Variants in GALNT8 observed in about 807,000 individuals in gnomAD.
GALNT8 encodes the protein probable polypeptide N-acetylgalactosaminyltransferase 8.
GALNT8 carries 66 observed loss-of-function variants against 62.7 expected under a neutral mutation model. The observed-to-expected ratio is 1.05, with a 90% CI of 0.86 to 1.29. GALNT8 has a LOEUF of 1.29. Among genes scored for constraint, GALNT8 ranks in the 50% most tolerant of loss-of-function variants. The pLI is 0.00. For missense variants in GALNT8, 771 were observed against 791.8 expected, an observed-to-expected ratio of 0.97 and a Z score of 0.32; for synonymous variants, 288 against 294.3, an observed-to-expected ratio of 0.98 and a Z score of 0.22.
In GALNT8 at chr12:4,744,645, G is replaced by A; in HGVS notation, c.805G>A (p.Ala269Thr). 1 of 1,613,868 alleles carries A rather than the reference G, an allele frequency of 6.2e-7. No individual in the cohort carries two copies. The highest frequency in any genetic ancestry group is 8.5e-7 in the Non-Finnish European group (1 of 1,179,868). The change falls in exon 4 of 11, where the codon GCC (alanine) becomes ACC (threonine). Residue 269 changes from alanine to threonine, a missense_variant. Coordinates refer to ENST00000252318, the MANE Select transcript of GALNT8 (RefSeq NM_017417.2). ...AGCCCGCAACACTGGCTGGGAAGCTGCCACAGCAGACGTGGTCGCCATCTT... is the reference window on the plus strand; with the variant it reads ...AGCCCGCAACACTGGCTGGGAAGCTACCACAGCAGACGTGGTCGCCATCTT... The part of the protein sequence containing the change: ...AQARNTGWEA[A>T]TADVVAILDA...
intron 10 of GALNT8, among the ~76,000 whole-genome samples, chr12:4,766,058 A>G (rs1046224065): frequency 2.0e-5 from 3 of 152,226 alleles, no homozygotes; most frequent in African/African-American, 7.2e-5. Context: ...GGTGTGAGCC[A>G]CTGTGCCTGG....
intron 2 of GALNT8, among the ~76,000 whole-genome samples, chr12:4,735,095 T>A (rs1480100267): frequency 6.6e-6 from 1 of 152,174 alleles, no homozygotes; most frequent in Non-Finnish European, 1.5e-5. Flanking sequence ...GAAATCTGGA[T>A]TTGTATGTTG....
At chr12:4,768,350 C>T (rs1946408790) in intron 10 of GALNT8, 3 of 322,280 alleles carry the variant, frequency 9.3e-6, no homozygotes, top group Non-Finnish European at 1.8e-5. Flanking sequence ...ATTAAAGATA[C>T]AATGTATTCT....
intron 3 of GALNT8, among the ~76,000 whole-genome samples, chr12:4,740,212 A>C (rs910107068): frequency 6.6e-6 from 1 of 152,202 alleles, no homozygotes; most frequent in African/African-American, 2.4e-5. Context: ...GGAAGATAAC[A>C]GACCTGAGTC....
intron 5 of GALNT8, 141 bp downstream of exon 5, chr12:4,745,767 AGGG>A: frequency 1.5e-6 from 1 of 670,806 alleles, no homozygotes; most frequent in African/African-American, 1.8e-5. Context: ...CAAGGGATAG[AGGG>A]AAAAAACCCC....
chr12:4,772,706 G>A lies in GALNT8; in HGVS notation c.*109G>A. The A allele has an allele frequency of 1.2e-6, 1 of 862,370 alleles. No individual in the cohort carries two copies. Among genetic ancestry groups the A allele is most frequent in the Non-Finnish European group, 1.8e-6 (1 of 553,558 alleles). The allele number at this position is 862,370 out of a possible 1,614,324, so 53.4% of individuals were successfully genotyped here. On this transcript the variant is annotated 3_prime_UTR_variant, in exon 11 of 11. Coordinates refer to ENST00000252318, the MANE Select transcript of GALNT8 (RefSeq NM_017417.2). The stretch of plus-strand genomic sequence containing the variant: ...TGAGAAAGAAAGCATGTGTATGTCT[G>A]TTTATGGCGACTTCAGGTGGGGCCT...
intron 2 of GALNT8, among the ~76,000 whole-genome samples, chr12:4,729,662 C>T (rs144244518): frequency 6.6e-6 from 1 of 151,984 alleles, no homozygotes; most frequent in Admixed American, 6.6e-5. Context: ...GAATAGTATT[C>T]CACTATTATG....
chr12:4,746,325 C>G (rs1308607520), intron 6 of GALNT8, 67 bp downstream of exon 6: 13 of 887,076 alleles, frequency 1.5e-5, no homozygotes, highest in Non-Finnish European at 2.5e-5. Context: ...GTAGTAGGAC[C>G]CCTGGAATCC....
Position 4,745,522 on chromosome 12 carries a change from T to A in GALNT8, c.954T>A (p.Asp318Glu). 1 of 1,610,882 alleles carries A rather than the reference T, an allele frequency of 6.2e-7. No homozygotes were observed. Among genetic ancestry groups the A allele is most frequent in the East Asian group, 2.2e-5 (1 of 44,864 alleles). Residue 318 changes from aspartate (D) to glutamate (E), a missense_variant, in exon 5 of 11, where the codon GAT becomes GAA. Asp to Glu is a conservative substitution (Grantham distance 45). Coordinates refer to ENST00000252318, the MANE Select transcript of GALNT8 (RefSeq NM_017417.2). ...TTCGTTTTGACACCTTCAAACTGGA[T>A]AAGTATGAACTGGCAGTTGATGGGT... ...DNIRFDTFKLDKYELAVDGFN... is the reference protein window; with the variant it reads ...DNIRFDTFKLEKYELAVDGFN...
chr12:4,741,196 CCTT>C (rs1164612096), intron 3 of GALNT8, among the ~76,000 whole-genome samples: 2 of 152,126 alleles, frequency 1.3e-5, no homozygotes, highest in Non-Finnish European at 2.9e-5. Flanking sequence ...ACTGCTTAAA[CCTT>C]CTTTTTTAGA....
At chr12:4,748,863 C>T (rs1946311488) in intron 6 of GALNT8, among the ~76,000 whole-genome samples, 1 of 151,972 alleles carries the variant, frequency 6.6e-6, no homozygotes, top group South Asian at 2.1e-4. Flanking sequence ...AATATCTTTC[C>T]ATTTTTTGGT....
chr12:4,768,455 A>G, intron 10 of GALNT8: 1 of 373,460 alleles, frequency 2.7e-6, no homozygotes, highest in Non-Finnish European at 5.4e-6. Flanking sequence ...ACCATTACTA[A>G]ATAAATAATT....
chr12:4,726,854 C>T lies in GALNT8; in HGVS notation c.509+25C>T. The T allele has an allele frequency of 6.3e-7, 1 of 1,576,340 alleles. No individual in the cohort carries two copies. Among genetic ancestry groups the T allele is most frequent in the Non-Finnish European group, 8.6e-7 (1 of 1,158,850 alleles). On this transcript the variant is annotated intron_variant, in intron 2 of 10. Transcript: ENST00000252318. This position sits in a 1 kb window ranked among gnomAD's most constrained non-coding sequence, Gnocchi z 4.1. ...GGTGGGATGAACCAGGCTTGGGCTT[C>T]TAGGGTCCTCAGTTTGATTTGAGGA...
intron 2 of GALNT8, among the ~76,000 whole-genome samples, chr12:4,734,343 C>T (rs933614073): frequency 2.0e-5 from 3 of 152,152 alleles, no homozygotes; most frequent in African/African-American, 4.8e-5. Flanking sequence ...CACTTGGGAG[C>T]CTGGAAGAAA....
rs191560137 is a variant in GALNT8 at position 4,764,608 on chromosome 12, G to C, written c.1593+561G>C. Among the ~76,000 whole-genome samples, 899 of 146,886 alleles carry C rather than the reference G, an allele frequency of 6.1e-3. 2 individuals carry two copies. Among genetic ancestry groups the C allele is most frequent in the Middle Eastern group, 0.018 (5 of 280 alleles). ...GCCCAGGCTGGAGTGCAGTGGCGCGGTCTCAGCTCACTGCAAGCTCTGCCT... is the reference window on the plus strand; with the variant it reads ...GCCCAGGCTGGAGTGCAGTGGCGCGCTCTCAGCTCACTGCAAGCTCTGCCT... On this transcript the variant is annotated intron_variant, in intron 9 of 10. Coordinates refer to ENST00000252318, the MANE Select transcript of GALNT8 (RefSeq NM_017417.2).
intron 10 of GALNT8, chr12:4,768,546 A>G (rs2137546533): frequency 3.5e-6 from 1 of 289,068 alleles, no homozygotes; most frequent in South Asian, 3.4e-5. Flanking sequence ...GGCTACTGAC[A>G]GAAAAGAGAT....
chr12:4,765,249 C>T (rs567949042), intron 9 of GALNT8, 130 bp from the exon 10 acceptor site: 12 of 718,370 alleles, frequency 1.7e-5, no homozygotes, highest in Non-Finnish European at 2.7e-5. Context: ...AGGTTCAGTG[C>T]TCTTGGTGTG....
intron 2 of GALNT8, among the ~76,000 whole-genome samples, chr12:4,737,024 A>G (rs993739817): frequency 6.6e-6 from 1 of 152,230 alleles, no homozygotes; most frequent in Non-Finnish European, 1.5e-5. Context: ...AGACTTATAC[A>G]TTATAAAGAG....
chr12:4,764,768 G>A (rs11063331), intron 9 of GALNT8, among the ~76,000 whole-genome samples: 56,012 of 149,496 alleles, frequency 0.37, 10,911 homozygotes, highest in Admixed American at 0.44. Context: ...TAGCCAGGAT[G>A]GTCTCGATCT....
Sources: gnomAD v4.1 joint callset for allele counts (sites outside exome capture counted in the v4.1 genomes callset) on GRCh38, gnomAD v4.1.1 for gene constraint, Gnocchi (gnomAD v3.1) non-coding constraint, MANE v1.5 for transcripts, NCBI Gene and HGNC (gene_info 2026-07-23, HGNC 2026-07-21) for gene names.